PDE11A: variants seen among roughly 807,000 people sequenced by gnomAD.
PDE11A encodes the protein dual 3',5'-cyclic-AMP and -GMP phosphodiesterase 11A.
A neutral mutation model predicts 100.5 loss-of-function variants in PDE11A; 100 were observed. The ratio of observed to expected loss-of-function variants is 1.00; its 90% CI spans 0.85 to 1.18. PDE11A has a LOEUF of 1.18. Ranked by LOEUF, PDE11A falls within the 50% of genes most tolerant of loss-of-function variation. The pLI, the probability that PDE11A is intolerant of heterozygous loss-of-function variation, is 0.00. For synonymous variants in PDE11A, 381 were observed against 420.8 expected (o/e 0.91, Z 1.16); for missense variants, 1,141 against 1,152.6 (o/e 0.99, Z 0.15).
At chr2:177,815,359 A>G (rs948929215) in intron 9 of PDE11A, among the ~76,000 whole-genome samples, 11 of 152,352 alleles carry the variant, frequency 7.2e-5, no homozygotes, top group Middle Eastern at 3.4e-3. Context: ...GGATTTGAAA[A>G]TAGTTCTGCA....
chr2:178,003,992 A>C (rs1260109635), intron 2 of PDE11A, among the ~76,000 whole-genome samples: 1 of 152,184 alleles, frequency 6.6e-6, no homozygotes, highest in Non-Finnish European at 1.5e-5. Context: ...ACTATTGTAT[A>C]AGTACATGGT....
At chr2:177,951,312 T>C (rs902811376) in intron 2 of PDE11A, among the ~76,000 whole-genome samples, 1 of 152,380 alleles carries the variant, frequency 6.6e-6, no homozygotes, top group African/African-American at 2.4e-5. Context: ...AGCTGGATTC[T>C]AGTGAAAGTT....
At chr2:177,682,629 G>A (rs2105508722) in intron 15 of PDE11A, among the ~76,000 whole-genome samples, 1 of 152,330 alleles carries the variant, frequency 6.6e-6, no homozygotes, top group Middle Eastern at 3.4e-3. Flanking sequence ...TCATCCTCTT[G>A]GCACTTGCTA....
intron 2 of PDE11A, among the ~76,000 whole-genome samples, chr2:177,983,454 TC>T (rs1255742645): frequency 6.6e-6 from 1 of 152,112 alleles, no homozygotes; most frequent in African/African-American, 2.4e-5. Context: ...AGTGAGCCAG[TC>T]CAAGTAGCTT....
intron 4 of PDE11A, among the ~76,000 whole-genome samples, chr2:177,884,061 A>T (rs2084388513): frequency 6.6e-6 from 1 of 152,204 alleles, no homozygotes; most frequent in African/African-American, 2.4e-5. Flanking sequence ...GTAAGCAAAG[A>T]TCAGCCCTCA....
intron 13 of PDE11A, among the ~76,000 whole-genome samples, chr2:177,708,375 T>A (rs183492287): frequency 6.6e-6 from 1 of 152,266 alleles, no homozygotes; most frequent in East Asian, 1.9e-4. Flanking sequence ...AGCAAACTAA[T>A]GCAGGAACAG....
intron 2 of PDE11A, among the ~76,000 whole-genome samples, chr2:178,095,938 G>A (rs1325385726): frequency 6.6e-6 from 1 of 152,178 alleles, no homozygotes; most frequent in Admixed American, 6.5e-5. Flanking sequence ...GATGCACAGA[G>A]CACAGAGCAG....
At chr2:177,852,256 G>A (rs937183989) in intron 5 of PDE11A, among the ~76,000 whole-genome samples, 5 of 152,156 alleles carry the variant, frequency 3.3e-5, no homozygotes, top group African/African-American at 1.2e-4. Context: ...TCATTACCAA[G>A]GAATGATTGT....
chr2:177,846,584 A>G (rs1472323521), intron 5 of PDE11A, among the ~76,000 whole-genome samples: 1 of 152,192 alleles, frequency 6.6e-6, no homozygotes. Context: ...CTCTTTTGCA[A>G]TTGGTTGCTG....
intron 6 of PDE11A, among the ~76,000 whole-genome samples, chr2:177,831,256 G>A (rs963571905): frequency 2.2e-4 from 33 of 152,150 alleles, no homozygotes; most frequent in African/African-American, 7.5e-4. Context: ...ACAGCACTTG[G>A]GATGGGGTTT....
chr2:177,631,621 ATGTGTG>A (rs566438120), intron 19 of PDE11A, among the ~76,000 whole-genome samples: 2 of 128,170 alleles, frequency 1.6e-5, no homozygotes, highest in East Asian at 4.3e-4. Context: ...ATATACATAT[ATGTGTG>A]TGTATATATA....
chr2:178,108,089 T>TA (rs2087642804), intron 1 of PDE11A, among the ~76,000 whole-genome samples: 1 of 152,240 alleles, frequency 6.6e-6, no homozygotes, highest in African/African-American at 2.4e-5. Context: ...TGCAGATGCT[T>TA]ACAACTTTTT....
chr2:178,083,099 AT>A (rs71870174), intron 2 of PDE11A, among the ~76,000 whole-genome samples: 26,205 of 138,616 alleles, frequency 0.19, 1,962 homozygotes, highest in South Asian at 0.22. Context: ...TAAAACTAAA[AT>A]TTTTTTTTTT....
chr2:178,106,846 CCTACTCAGGAGG>C (rs929212283), intron 1 of PDE11A, among the ~76,000 whole-genome samples: 2 of 151,128 alleles, frequency 1.3e-5, no homozygotes, highest in Non-Finnish European at 2.9e-5. Context: ...TGTAGTCCCA[CCTACTCAGGAGG>C]CTGAGGTGAG....
At chr2:177,904,975 C>T in intron 3 of PDE11A, 123 bp downstream of exon 3, 1 of 712,806 alleles carries the variant, frequency 1.4e-6, no homozygotes, top group East Asian at 2.6e-5. Flanking sequence ...CAGAATTATA[C>T]AAATAAAAAA....
rs2083465729 is a variant in PDE11A, at chr2:177,840,124, G to T, written c.1500+127C>A. 7 of 969,162 alleles carry T rather than the reference G, an allele frequency of 7.2e-6. No homozygotes were observed. The South Asian group carries it at 8.6e-5, about 12-fold the overall frequency. The allele number at this position is 969,162 out of a possible 1,614,324, so 60.0% of individuals were successfully genotyped here. ...TAACTTAGAGTCAACAGTAGGCAAT[G>T]CTAAAAATAAGATCACAGGGGAAGG... On this transcript the variant is annotated intron_variant, in intron 6 of 19. Transcript: ENST00000286063.
chr2:178,020,124 T>C (rs1246761912), intron 1 of PDE11A, among the ~76,000 whole-genome samples: 2 of 152,202 alleles, frequency 1.3e-5, no homozygotes, highest in Admixed American at 6.5e-5. Flanking sequence ...AACCTATTGA[T>C]GGGAAATGCC....
Position 178,047,175 on chromosome 2 carries a change from C to A in PDE11A, c.912+24351G>T, listed in dbSNP as rs565719999. On this transcript the variant is annotated intron_variant, in intron 1 of 19. Transcript: ENST00000286063. ...GATAATTTCCTTCTTCTAGATATCACCCAAGGCCGGGCATGGTGGCTCATG... is the reference window on the plus strand; with the variant it reads ...GATAATTTCCTTCTTCTAGATATCAACCAAGGCCGGGCATGGTGGCTCATG... 1.4e-3 allele frequency among the ~76,000 whole-genome samples: 211 copies of A among 152,088 alleles called. 1 individual carries two copies. Among genetic ancestry groups the A allele is most frequent in the African/African-American group, 4.1e-3 (171 of 41,476 alleles).
At chr2:177,980,664 T>G (rs1346809441) in intron 2 of PDE11A, among the ~76,000 whole-genome samples, 1 of 150,812 alleles carries the variant, frequency 6.6e-6, no homozygotes, top group Non-Finnish European at 1.5e-5. Context: ...ATTGACTCCA[T>G]GCAGATTTTT....
Sources: allele counts gnomAD v4.1 joint callset (sites outside exome capture counted in the v4.1 genomes callset), GRCh38; gene constraint gnomAD v4.1.1; transcripts MANE v1.5; gene names NCBI Gene and HGNC (gene_info 2026-07-23, HGNC 2026-07-21).